C1QL3: variants seen among roughly 807,000 people sequenced by gnomAD.
C1QL3 encodes complement C1q-like protein 3.
C1QL3 carries 4 observed loss-of-function variants against 16.6 expected under a neutral mutation model. The observed-to-expected ratio is 0.24, with a 90% confidence interval of 0.12 to 0.55. The LOEUF (loss-of-function observed/expected upper bound fraction) is 0.55. Ranked by LOEUF, C1QL3 falls within the 20% of genes least tolerant of loss-of-function variation. The probability of loss-of-function intolerance (pLI) is 0.94; values close to 1 mark genes in which losing one functional copy is unlikely to be tolerated. For missense variants in C1QL3, 269 were observed against 365.6 expected, an observed-to-expected ratio of 0.74 and a Z score of 2.16; for synonymous variants, 189 against 160.2, an observed-to-expected ratio of 1.18 and a Z score of -1.36.
At position 16,514,401 on chromosome 10, in the gene C1QL3, T is replaced by C; in HGVS notation, c.*127A>G. ...ATACAGATGTGAGTCAGGTAGCATT[T>C]GATTTCCCCACATATACACAACTGA... On this transcript the variant is annotated 3_prime_UTR_variant, in exon 2 of 2. Transcript: ENST00000298943. The C allele has an allele frequency of 1.4e-6, 1 of 714,210 alleles. No homozygotes were observed. The highest frequency in any genetic ancestry group is 2.5e-5 in the East Asian group (1 of 39,560). 44.2% of individuals were successfully genotyped at this position (714,210 alleles called of 1,614,324 possible).
At chr10:16,515,306 C>A (rs985326243) in intron 1 of C1QL3, among the ~76,000 whole-genome samples, 3 of 151,224 alleles carry the variant, frequency 2.0e-5, no homozygotes, top group African/African-American at 4.8e-5. Flanking sequence ...CAGGCTGCTT[C>A]AGAAGCTTAG....
chr10:16,514,313 G>T lies in C1QL3; in HGVS notation c.*215C>A. On this transcript the variant is annotated 3_prime_UTR_variant, in exon 2 of 2. Transcript: ENST00000298943. ...CTAACGATAAGGAGTATTTGCTTTG[G>T]CGGTAGTGGATCACACATCTGCTTA... 1 of 573,958 alleles carries T rather than the reference G, an allele frequency of 1.7e-6. No individual in the cohort carries two copies. Among genetic ancestry groups the T allele is most frequent in the African/African-American group, 1.9e-5 (1 of 53,404 alleles). 35.6% of individuals were successfully genotyped at this position (573,958 alleles called of 1,614,324 possible).
Position 16,514,418 on chromosome 10 carries a change from C to A in C1QL3, c.*110G>T. The stretch of plus-strand genomic sequence containing the variant: ...GTAGCATTTGATTTCCCCACATATA[C>A]ACAACTGAGGTGCCCTGCCATTGGC... On this transcript the variant is annotated 3_prime_UTR_variant, in exon 2 of 2. Transcript: ENST00000298943. 1.2e-6 allele frequency: 1 copy of A among 823,898 alleles called. No homozygotes were observed. The highest frequency in any genetic ancestry group is 2.5e-5 in the East Asian group (1 of 40,728). The allele number at this position is 823,898 out of a possible 1,614,324, so 51.0% of individuals were successfully genotyped here. A position where few individuals can be genotyped will look rare whatever the true frequency, so the allele number is the denominator to read the frequency against.
At position 16,520,562 on chromosome 10, in the gene C1QL3, C is replaced by T. The variant is rs778413533; in HGVS notation, c.504G>A (p.Pro168=). Residue 168 remains proline, a synonymous_variant, in exon 1 of 2, where the codon CCG becomes CCA. Coordinates refer to ENST00000298943, the MANE Select transcript of C1QL3 (RefSeq NM_001010908.2). The surrounding 1 kb of genome is among the most constrained non-coding windows in gnomAD (Gnocchi z 8.3). ...CGTGGTAGGTGAAGAAGTAGATGCC[C>T]GGGATGGAGCAGGTGAACTTGCCGG... ...PTTGKFTCSI[P]GIYFFTYHVL... 10 of 1,613,558 alleles carry T rather than the reference C, an allele frequency of 6.2e-6. No homozygotes were observed. The Admixed American group carries it at 8.3e-5, about 13-fold the overall frequency.
Position 16,515,627 on chromosome 10 carries a change from C to T in C1QL3, c.589-920G>A, listed in dbSNP as rs145744532. On this transcript the variant is annotated intron_variant, in intron 1 of 1. Transcript: ENST00000298943. Reference sequence around the variant, plus strand: ...TCATTAGTGAGTTGATAGACATTTACAAACAGTCAAATTGCCTATCATCTC... The same window carrying T: ...TCATTAGTGAGTTGATAGACATTTATAAACAGTCAAATTGCCTATCATCTC... 3.1e-4 allele frequency among the ~76,000 whole-genome samples: 47 copies of T among 152,248 alleles called. No individual in the cohort carries two copies. In the East Asian group the frequency reaches 8.7e-3, roughly 28 times the overall value.
intron 1 of C1QL3, among the ~76,000 whole-genome samples, chr10:16,519,140 C>CTGTTTTTTTTTTTTTTTTTTTTTTTTTT (rs1836996489): frequency 5.1e-5 from 2 of 39,474 alleles, no homozygotes; most frequent in Non-Finnish European, 8.8e-5. Flanking sequence ...GCATTTAGGA[C>CTGTTTTTTTTTTTTTTTTTTTTTTTTTT]TTTTTTTTTT....
intron 1 of C1QL3, among the ~76,000 whole-genome samples, chr10:16,519,736 A>G (rs1837010322): frequency 6.6e-6 from 1 of 151,262 alleles, no homozygotes; most frequent in Non-Finnish European, 1.5e-5. Flanking sequence ...GCGTCCTCCG[A>G]CTCCATAGAG....
intron 1 of C1QL3, among the ~76,000 whole-genome samples, chr10:16,517,786 T>C (rs1249810667): frequency 4.6e-5 from 7 of 152,210 alleles, no homozygotes; most frequent in Non-Finnish European, 1.0e-4. Flanking sequence ...ATGGTGACAT[T>C]TGTAATTTAA....
In C1QL3 at chr10:16,515,266, C is replaced by G. The variant is rs1217185824; in HGVS notation, c.589-559G>C. Among the ~76,000 whole-genome samples the G allele has an allele frequency of 2.0e-5, 3 of 151,498 alleles. No homozygotes were observed. In the East Asian group the frequency reaches 5.8e-4, roughly 29 times the overall value. On this transcript the variant is annotated intron_variant, in intron 1 of 1. Coordinates refer to ENST00000298943, the MANE Select transcript of C1QL3 (RefSeq NM_001010908.2). ...AAAAGTCTTTTGATTTAGGGCTTTC[C>G]AAATCTAATTCATGTAAAGCCCCCT...
chr10:16,520,661 C>T lies in C1QL3; in HGVS notation c.405G>A (p.Arg135=), dbSNP rs1477987973. The T allele has an allele frequency of 6.2e-7, 1 of 1,609,982 alleles. No individual in the cohort carries two copies. The highest frequency in any genetic ancestry group is 1.7e-5 in the Admixed American group (1 of 59,762). The part of the protein sequence containing the change: ...PKIAFYAGLK[R]QHEGYEVLKF... ...TGAGCACCTCGTAGCCTTCATGCTG[C>T]CGCTTGAGGCCGGCGTAGAAGGCGA... Residue 135 remains arginine (R), a synonymous_variant, in exon 1 of 2, where the codon CGG becomes CGA. Coordinates refer to ENST00000298943, the MANE Select transcript of C1QL3 (RefSeq NM_001010908.2). The surrounding 1 kb of genome is among the most constrained non-coding windows in gnomAD (Gnocchi z 8.3).
At position 16,514,216 on chromosome 10, in the gene C1QL3, A is replaced by G. The variant is rs1836912782; in HGVS notation, c.*312T>C. 2 of 430,622 alleles carry G rather than the reference A, an allele frequency of 4.6e-6. No homozygotes were observed. The highest frequency in any genetic ancestry group is 8.1e-6 in the Non-Finnish European group (2 of 246,182). 26.7% of individuals were successfully genotyped at this position (430,622 alleles called of 1,614,324 possible). ...GTACACCAAAGTATCATATATATAGAAGAAATAATTCAATGTCTTAGATTT... is the reference window on the plus strand; with the variant it reads ...GTACACCAAAGTATCATATATATAGGAGAAATAATTCAATGTCTTAGATTT... On this transcript the variant is annotated 3_prime_UTR_variant, in exon 2 of 2. Coordinates refer to ENST00000298943, the MANE Select transcript of C1QL3 (RefSeq NM_001010908.2).
rs1239073816 is a variant in C1QL3 at position 16,520,811 on chromosome 10, G to A, written c.255C>T (p.Gly85=). ...RGPPGEPGPP[G]PMGPPGEKGE... ...CCTTCTCGCCCGGGGGCCCCATGGGGCCGGGTGGCCCGGGCTCTCCGGGGG... is the reference window on the plus strand; with the variant it reads ...CCTTCTCGCCCGGGGGCCCCATGGGACCGGGTGGCCCGGGCTCTCCGGGGG... The change falls in exon 1 of 2, where the codon GGC becomes GGT. Residue 85 remains glycine (G), a synonymous_variant. Coordinates refer to ENST00000298943, the MANE Select transcript of C1QL3 (RefSeq NM_001010908.2). This position sits in a 1 kb window ranked among gnomAD's most constrained non-coding sequence, Gnocchi z 8.3. 6 of 1,331,226 alleles carry A rather than the reference G, an allele frequency of 4.5e-6. No homozygotes were observed. The highest frequency in any genetic ancestry group is 3.1e-5 in the East Asian group (1 of 31,990). The allele number at this position is 1,331,226 out of a possible 1,614,324, so 82.5% of individuals were successfully genotyped here. A position where few individuals can be genotyped will look rare whatever the true frequency, so the allele number is the denominator to read the frequency against.
chr10:16,520,445 T>TA lies in C1QL3; in HGVS notation c.588+32_588+33insT. 12 of 527,478 alleles carry TA rather than the reference T, an allele frequency of 2.3e-5. No individual in the cohort carries two copies. The highest frequency in any genetic ancestry group is 3.6e-5 in the Non-Finnish European group (11 of 309,176). 32.7% of individuals were successfully genotyped at this position (527,478 alleles called of 1,614,324 possible). A position where few individuals can be genotyped will look rare whatever the true frequency, so the allele number is the denominator to read the frequency against. On this transcript the variant is annotated intron_variant, in intron 1 of 1. Transcript: ENST00000298943. This position sits in a 1 kb window ranked among gnomAD's most constrained non-coding sequence, Gnocchi z 8.3. ...CTCGCCCGCACCTTCCCGCGCTCCC[T>TA]CCCCGCCCTCCCCGCCGCCCGCCCG...
intron 1 of C1QL3, among the ~76,000 whole-genome samples, chr10:16,515,943 A>G (rs1198701365): frequency 6.6e-6 from 1 of 152,198 alleles, no homozygotes; most frequent in Non-Finnish European, 1.5e-5. Context: ...GAGAGAAATG[A>G]GACAGAAGTC....
rs1208221877 is a variant in C1QL3 at position 16,520,657 on chromosome 10, G to A, written c.409C>T (p.His137Tyr). ...IAFYAGLKRQ[H>Y]EGYEVLKFDD... ...AACTTGAGCACCTCGTAGCCTTCATGCTGCCGCTTGAGGCCGGCGTAGAAG... is the reference window on the plus strand; with the variant it reads ...AACTTGAGCACCTCGTAGCCTTCATACTGCCGCTTGAGGCCGGCGTAGAAG... The change falls in exon 1 of 2, where the codon CAT becomes TAT. Residue 137 changes from histidine (H) to tyrosine (Y), a missense_variant. His to Tyr is a moderately conservative substitution (Grantham distance 83). This residue lies in a region of C1QL3 where 246 missense variants were observed against 297.2 expected (regional missense o/e 0.83). Transcript: ENST00000298943. This position sits in a 1 kb window ranked among gnomAD's most constrained non-coding sequence, Gnocchi z 8.3. 1 of 1,610,506 alleles carries A rather than the reference G, an allele frequency of 6.2e-7. No homozygotes were observed. The highest frequency in any genetic ancestry group is 1.1e-5 in the South Asian group (1 of 90,746).
rs1411754002 is a variant in C1QL3, at chr10:16,520,308, C to G, written c.588+170G>C. On this transcript the variant is annotated intron_variant, in intron 1 of 1. Coordinates refer to ENST00000298943, the MANE Select transcript of C1QL3 (RefSeq NM_001010908.2). This position sits in a 1 kb window ranked among gnomAD's most constrained non-coding sequence, Gnocchi z 8.3. ...GCGGGGCGCCCTCCTGCGCGCACGA[C>G]CCCCGCCTCTCCAGGGTGGGACGGC... 6.6e-6 allele frequency among the ~76,000 whole-genome samples: 1 copy of G among 151,986 alleles called. No homozygotes were observed. Among genetic ancestry groups the G allele is most frequent in the South Asian group, 2.1e-4 (1 of 4,830 alleles).
At chr10:16,517,678 G>C (rs916550709) in intron 1 of C1QL3, among the ~76,000 whole-genome samples, 3 of 152,248 alleles carry the variant, frequency 2.0e-5, no homozygotes. Context: ...GAGTATGAGA[G>C]CTGCGGTCAT....
intron 1 of C1QL3, among the ~76,000 whole-genome samples, chr10:16,519,160 G>GTTTTTTTTTTTTTTTTTTTTTTTTT (rs1836998839): frequency 2.3e-4 from 7 of 30,316 alleles, no homozygotes; most frequent in South Asian, 1.5e-3. Flanking sequence ...TTTTTTTTTG[G>GTTTTTTTTTTTTTTTTTTTTTTTTT]TCTTTCACTT....
In C1QL3 at chr10:16,516,571, T is replaced by C. The variant is rs549636978; in HGVS notation, c.589-1864A>G. Among the ~76,000 whole-genome samples, 214 of 152,326 alleles carry C rather than the reference T, an allele frequency of 1.4e-3. 1 individual carries two copies. The highest frequency in any genetic ancestry group is 2.7e-3 in the Non-Finnish European group (186 of 68,006). ...TAACCAGACATATTTTATTCAGTGC[T>C]TTGGGTATTTAGGACATGTTCTATG... On this transcript the variant is annotated intron_variant, in intron 1 of 1. Transcript: ENST00000298943.
Sources: allele counts gnomAD v4.1 joint callset (sites outside exome capture counted in the v4.1 genomes callset), GRCh38; gene constraint gnomAD v4.1.1; regional missense constraint gnomAD v4.1.1; non-coding constraint Gnocchi (gnomAD v3.1); transcripts MANE v1.5; gene names NCBI Gene and HGNC (gene_info 2026-07-23, HGNC 2026-07-21).